The following AFG1L variants were observed in gnomAD, a reference collection of about 807,000 sequenced individuals.
The protein encoded by AFG1L is AFG1 like ATPase.
AFG1L carries 53 observed loss-of-function variants against 62.2 expected under a neutral mutation model. The observed-to-expected ratio is 0.85, with a 90% CI of 0.68 to 1.07. The LOEUF (loss-of-function observed/expected upper bound fraction) is 1.07. AFG1L is among the 50% of genes least tolerant of loss of function. The pLI is 0.00. For synonymous variants in AFG1L, 228 were observed against 210.3 expected (o/e 1.08, Z -0.73); for missense variants, 555 against 590.5 (o/e 0.94, Z 0.62).
chr6:108,519,720 G>T lies in AFG1L; in HGVS notation c.1227G>T (p.Ser409=). The T allele has an allele frequency of 6.2e-7, 1 of 1,610,356 alleles. No individual in the cohort carries two copies. The highest frequency in any genetic ancestry group is 1.1e-5 in the South Asian group (1 of 90,520). ...AGGTGCGTATAATTTGCTCTGCGTCGACTCCTATATCAAGCTTATTTTTGC... is the reference window on the plus strand; with the variant it reads ...AGGTGCGTATAATTTGCTCTGCGTCTACTCCTATATCAAGCTTATTTTTGC... ...DLKVRIICSA[S]TPISSLFLHQ... The change falls in exon 12 of 13, where the codon TCG becomes TCT. Residue 409 remains serine (S), a synonymous_variant. Coordinates refer to ENST00000368977, the MANE Select transcript of AFG1L (RefSeq NM_145315.5).
intron 5 of AFG1L, among the ~76,000 whole-genome samples, chr6:108,364,290 C>T (rs904423951): frequency 6.6e-6 from 1 of 152,176 alleles, no homozygotes; most frequent in South Asian, 2.1e-4. Flanking sequence ...GCAAGTGACT[C>T]CTGCTTTATT....
intron 7 of AFG1L, among the ~76,000 whole-genome samples, chr6:108,439,325 A>G (rs994501101): frequency 2.6e-5 from 4 of 152,196 alleles, no homozygotes; most frequent in African/African-American, 9.6e-5. Context: ...GTATTCAATT[A>G]TGTTTGTTAG....
chr6:108,496,816 A>G (rs982792021), intron 10 of AFG1L, among the ~76,000 whole-genome samples: 15 of 152,202 alleles, frequency 9.9e-5, no homozygotes, highest in South Asian at 2.1e-4. Flanking sequence ...AAATATATTT[A>G]CTTATGCTTT....
intron 7 of AFG1L, among the ~76,000 whole-genome samples, chr6:108,407,321 G>A (rs1344596757): frequency 2.0e-5 from 3 of 152,040 alleles, no homozygotes; most frequent in Admixed American, 1.3e-4. Flanking sequence ...TTTTATGGGG[G>A]CCTCATTTGT....
intron 1 of AFG1L, among the ~76,000 whole-genome samples, chr6:108,320,605 T>G (rs1392331570): frequency 6.6e-6 from 1 of 152,194 alleles, no homozygotes; most frequent in African/African-American, 2.4e-5. Flanking sequence ...CTAACCTCTT[T>G]GGCCATGATT....
In AFG1L at chr6:108,497,351, C is replaced by T. The variant is rs1774011646; in HGVS notation, c.1063-12861C>T. ...TTACTACTGAGCTTGACTATTTTTT[C>T]ATTTGTTTATTAGCCTCTTTTACTT... On this transcript the variant is annotated intron_variant, in intron 10 of 12. Coordinates refer to ENST00000368977, the MANE Select transcript of AFG1L (RefSeq NM_145315.5). 2.6e-5 allele frequency among the ~76,000 whole-genome samples: 4 copies of T among 152,138 alleles called. No homozygotes were observed. The South Asian group carries it at 8.3e-4, about 32-fold the overall frequency.
At chr6:108,418,523 G>A (rs1265130464) in intron 7 of AFG1L, among the ~76,000 whole-genome samples, 1 of 152,136 alleles carries the variant, frequency 6.6e-6, no homozygotes. Flanking sequence ...TGTTTTATGT[G>A]ATGAAAATCC....
intron 7 of AFG1L, among the ~76,000 whole-genome samples, chr6:108,407,226 G>A (rs1781897378): frequency 6.6e-6 from 1 of 152,162 alleles, no homozygotes. Flanking sequence ...TGTGGTATTT[G>A]CTTTAGTTAG....
chr6:108,322,851 C>T (rs1011869212), intron 1 of AFG1L, among the ~76,000 whole-genome samples: 6 of 152,152 alleles, frequency 3.9e-5, no homozygotes, highest in African/African-American at 1.4e-4. Context: ...AAGGAGTTAG[C>T]TGCTTATTAA....
At chr6:108,352,700 G>A (rs1779132094) in intron 3 of AFG1L, among the ~76,000 whole-genome samples, 1 of 152,042 alleles carries the variant, frequency 6.6e-6, no homozygotes, top group African/African-American at 2.4e-5. Flanking sequence ...GAGTAGCTGG[G>A]ACTACAGGCA....
In AFG1L at chr6:108,295,172, C is replaced by G; in HGVS notation, c.93C>G (p.Ala31=). The change falls in exon 1 of 13, where the codon GCC becomes GCG. Residue 31 remains alanine, a synonymous_variant. Transcript: ENST00000368977. ...GTGTTGGGTGCGGGGCCTGGGCCGC[C>G]GCTCTCGCTCCTCTGGCCACCGCCC... ...GRCVGCGAWA[A]ALAPLATAPG... is the part of the protein sequence containing the mutation. The G allele has an allele frequency of 1.2e-6, 2 of 1,608,378 alleles. No homozygotes were observed. The highest frequency in any genetic ancestry group is 1.7e-6 in the Non-Finnish European group (2 of 1,179,940).
chr6:108,478,077 G>A (rs1357340734), intron 10 of AFG1L, among the ~76,000 whole-genome samples: 1 of 152,198 alleles, frequency 6.6e-6, no homozygotes, highest in Non-Finnish European at 1.5e-5. Context: ...CTAAAGAACA[G>A]TTGCTTTTCA....
intron 11 of AFG1L, among the ~76,000 whole-genome samples, chr6:108,518,323 A>G (rs1300797443): frequency 1.3e-5 from 2 of 152,238 alleles, no homozygotes; most frequent in Admixed American, 6.5e-5. Context: ...CTATGCAGCC[A>G]TAAAAAATGA....
At chr6:108,497,061 C>T (rs1210096509) in intron 10 of AFG1L, among the ~76,000 whole-genome samples, 2 of 152,010 alleles carry the variant, frequency 1.3e-5, no homozygotes, top group Non-Finnish European at 2.9e-5. Flanking sequence ...TATGTATAAC[C>T]TTCGGTTGAA....
intron 7 of AFG1L, among the ~76,000 whole-genome samples, chr6:108,441,671 T>C (rs1480873495): frequency 6.8e-6 from 1 of 148,008 alleles, no homozygotes; most frequent in African/African-American, 2.5e-5. Context: ...CTAGCGTAAG[T>C]GAATGAAATC....
intron 10 of AFG1L, among the ~76,000 whole-genome samples, chr6:108,485,627 T>TATATATATATATATATATATTTTTTAA (rs1383848507): frequency 3.9e-4 from 4 of 10,344 alleles, no homozygotes; most frequent in African/African-American, 1.5e-3. Context: ...CGAATTTAAA[T>TATATATATATATATATATATTTTTTAA]ATATATATAT....
At chr6:108,397,548 C>T (rs561050472) in intron 6 of AFG1L, among the ~76,000 whole-genome samples, 4 of 152,322 alleles carry the variant, frequency 2.6e-5, no homozygotes, top group South Asian at 2.1e-4. Flanking sequence ...TGAGCCATGA[C>T]GCTCCGCCTT....
intron 6 of AFG1L, among the ~76,000 whole-genome samples, chr6:108,376,812 T>C (rs1308350455): frequency 1.3e-5 from 2 of 152,080 alleles, no homozygotes; most frequent in Non-Finnish European, 1.5e-5. Flanking sequence ...AGAATGTCTT[T>C]GTTAATTTCC....
intron 6 of AFG1L, among the ~76,000 whole-genome samples, chr6:108,382,228 G>C (rs1055287183): frequency 8.6e-5 from 13 of 152,010 alleles, no homozygotes; most frequent in Non-Finnish European, 1.5e-5. Flanking sequence ...TCGAACTCCC[G>C]ACCTCAGGTG....
Sources: allele counts gnomAD v4.1 joint callset (sites outside exome capture counted in the v4.1 genomes callset), GRCh38; gene constraint gnomAD v4.1.1; transcripts MANE v1.5; gene names NCBI Gene and HGNC (gene_info 2026-07-23, HGNC 2026-07-21).